The following KRT78 variants were observed in gnomAD, a reference collection of about 807,000 sequenced individuals.
KRT78 encodes the protein keratin, type II cytoskeletal 78.
KRT78 carries 55 observed loss-of-function variants against 51.4 expected under a neutral mutation model. The observed-to-expected ratio is 1.07, with a 90% CI of 0.86 to 1.34. KRT78 has a LOEUF of 1.34. KRT78 is among the 40% of genes most tolerant of loss of function. The pLI is 0.00. For missense variants in KRT78, 652 were observed against 649.4 expected, an observed-to-expected ratio of 1.00 and a Z score of -0.04; for synonymous variants, 291 against 264.3, an observed-to-expected ratio of 1.10 and a Z score of -0.98.
At chr12:52,842,974 G>A (rs1287023638) in intron 6 of KRT78, among the ~76,000 whole-genome samples, 95 of 66,174 alleles carry the variant, frequency 1.4e-3, no homozygotes, top group African/African-American at 7.9e-3. Context: ...AGGAAGGAAG[G>A]AAGGAAGGAA....
chr12:52,847,143 C>T (rs893567419), intron 2 of KRT78, among the ~76,000 whole-genome samples: 1 of 152,192 alleles, frequency 6.6e-6, no homozygotes, highest in African/African-American at 2.4e-5. Flanking sequence ...GATGATTTGA[C>T]CAAGACCCCA....
At position 52,848,739 on chromosome 12, in the gene KRT78, C is replaced by T. The variant is rs1254483371; in HGVS notation, c.192G>A (p.Val64=). 1 of 1,611,222 alleles carries T rather than the reference C, an allele frequency of 6.2e-7. No homozygotes were observed. The change falls in exon 1 of 9, where the codon GTG becomes GTA. Residue 64 remains valine (V), a synonymous_variant. Transcript: ENST00000304620. ...STWGSGGRLG[V]RFGEWSGGPG... is the part of the protein sequence containing the mutation. ...GCCCACCACTCCACTCCCCAAACCG[C>T]ACCCCCAGCCTACCCCCTGACCCCC...
chr12:52,838,943 A>C lies in KRT78; in HGVS notation c.*170T>G. 2 of 761,480 alleles carry C rather than the reference A, an allele frequency of 2.6e-6. No homozygotes were observed. The highest frequency in any genetic ancestry group is 3.7e-5 in the South Asian group (2 of 53,662). 47.2% of individuals were successfully genotyped at this position (761,480 alleles called of 1,614,324 possible). ...TTTTGTTTTGCTGGGTGAGGTGTGCAAGCACTTAGAGCATTCAGAACAGCA... is the reference window on the plus strand; with the variant it reads ...TTTTGTTTTGCTGGGTGAGGTGTGCCAGCACTTAGAGCATTCAGAACAGCA... On this transcript the variant is annotated 3_prime_UTR_variant, in exon 9 of 9. Coordinates refer to ENST00000304620, the MANE Select transcript of KRT78 (RefSeq NM_173352.4).
chr12:52,839,401 G>A lies in KRT78; in HGVS notation c.1304-29C>T, dbSNP rs374642718. On this transcript the variant is annotated intron_variant, in intron 8 of 8. Transcript: ENST00000304620. ...CCAAGAAACGCACCGGGTCAGAGCAGGGTCATCAGCTCCCCATGGGGATCC... is the reference window on the plus strand; with the variant it reads ...CCAAGAAACGCACCGGGTCAGAGCAAGGTCATCAGCTCCCCATGGGGATCC... The A allele has an allele frequency of 3.3e-5, 53 of 1,612,376 alleles. No individual in the cohort carries two copies. The African/African-American group carries it at 6.9e-4, about 21-fold the overall frequency.
intron 6 of KRT78, among the ~76,000 whole-genome samples, chr12:52,840,455 C>A (rs528086435): frequency 1.2e-4 from 19 of 152,062 alleles, no homozygotes; most frequent in Non-Finnish European, 2.5e-4. Flanking sequence ...GTAATCCTAG[C>A]ACTTTAGGAG....
In KRT78 at chr12:52,848,771, T is replaced by A; in HGVS notation, c.160A>T (p.Ser54Cys). Reference sequence around the variant, plus strand: ...AGCCTACCCCCTGACCCCCAGGTACTCCCACGAGAGCCTTCCAGGCACCCC... The same window carrying A: ...AGCCTACCCCCTGACCCCCAGGTACACCCACGAGAGCCTTCCAGGCACCCC... ...FGGCLEGSRG[S>C]TWGSGGRLGV... Residue 54 changes from serine (S) to cysteine (C), a missense_variant, in exon 1 of 9, where the codon AGT (serine) becomes TGT (cysteine). Ser to Cys is a moderately radical substitution (Grantham distance 112). Transcript: ENST00000304620. 3 of 1,556,086 alleles carry A rather than the reference T, an allele frequency of 1.9e-6. No homozygotes were observed. The Admixed American group carries it at 5.5e-5, about 29-fold the overall frequency.
chr12:52,847,413 A>T (rs767977925), intron 2 of KRT78, among the ~76,000 whole-genome samples: 4 of 151,558 alleles, frequency 2.6e-5, no homozygotes, highest in Admixed American at 6.6e-5. Flanking sequence ...GGCTCTCTCC[A>T]CTCCACCAGG....
chr12:52,848,323 C>G, intron 1 of KRT78: 1 of 1,499,060 alleles, frequency 6.7e-7, no homozygotes. Context: ...GCAGGGCCTT[C>G]CCCCCGCTGG....
rs1565698694 is a variant in KRT78, at chr12:52,842,957, G to GGA, written c.1047+1135_1047+1136insTC. 5.5e-4 allele frequency among the ~76,000 whole-genome samples: 52 copies of GGA among 94,190 alleles called. 2 individuals are homozygous for GGA. The highest frequency in any genetic ancestry group is 4.5e-3 in the Middle Eastern group (1 of 220). 61.8% of individuals were successfully genotyped at this position (94,190 alleles called of 152,430 possible). ...AAAGAAAGAGAGAGAGAGAGAGAGA[G>GGA]AGAGGAAGGAAGGAAGGAAGGAAGG... is the stretch of plus-strand genomic sequence containing the variant. On this transcript the variant is annotated intron_variant, in intron 6 of 8. Transcript: ENST00000304620.
intron 6 of KRT78, 114 bp downstream of exon 6, chr12:52,843,979 G>C (rs1335345293): frequency 7.9e-7 from 1 of 1,272,998 alleles, no homozygotes; most frequent in East Asian, 2.4e-5. Context: ...CAGTTATCAA[G>C]GTCCTCGACA....
chr12:52,847,884 T>G, intron 2 of KRT78, 23 bp downstream of exon 2: 2 of 1,599,296 alleles, frequency 1.3e-6, no homozygotes, highest in Non-Finnish European at 1.7e-6. Context: ...CCACATGGCA[T>G]GGGGAAATTT....
chr12:52,839,283 C>T lies in KRT78; in HGVS notation c.1393G>A (p.Gly465Arg), dbSNP rs752181371. 1.2e-6 allele frequency: 2 copies of T among 1,613,162 alleles called. No homozygotes were observed. The highest frequency in any genetic ancestry group is 8.5e-7 in the Non-Finnish European group (1 of 1,179,618). The change falls in exon 9 of 9, where the codon GGG (glycine) becomes AGG (arginine). Residue 465 changes from glycine (G) to arginine (R), a missense_variant. Transcript: ENST00000304620. ...CGLGSGKGSPGSCCTSIVTGG... is the reference protein window; with the variant it reads ...CGLGSGKGSPRSCCTSIVTGG... ...GTCACAATGCTGGTGCAGCAGGACC[C>T]AGGGCTGCCTTTCCCACTACCGAGT... is the stretch of plus-strand genomic sequence containing the variant.
At position 52,846,744 on chromosome 12, in the gene KRT78, G is replaced by A; in HGVS notation, c.660+20C>T. On this transcript the variant is annotated intron_variant, in intron 3 of 8. Transcript: ENST00000304620. ...AGTGGATGCTCAGAACGTAAGTGGAGCACTGGCCCCCACCCTCACCTTCTT... is the reference window on the plus strand; with the variant it reads ...AGTGGATGCTCAGAACGTAAGTGGAACACTGGCCCCCACCCTCACCTTCTT... 1 of 1,609,944 alleles carries A rather than the reference G, an allele frequency of 6.2e-7. No homozygotes were observed. The highest frequency in any genetic ancestry group is 1.1e-5 in the South Asian group (1 of 90,718).
At chr12:52,847,857 G>T (rs775550175) in intron 2 of KRT78, 50 bp downstream of exon 2, 8 of 1,556,666 alleles carry the variant, frequency 5.1e-6, no homozygotes, top group African/African-American at 2.7e-5. Flanking sequence ...CCCAAACTGA[G>T]TCATCCCAGA....
chr12:52,848,675 C>T lies in KRT78; in HGVS notation c.256G>A (p.Val86Met). 3.1e-6 allele frequency: 5 copies of T among 1,613,828 alleles called. No homozygotes were observed. The highest frequency in any genetic ancestry group is 4.2e-6 in the Non-Finnish European group (5 of 1,179,844). Residue 86 changes from valine to methionine, a missense_variant, in exon 1 of 9, where the codon GTG becomes ATG. Transcript: ENST00000304620. ...GTCAGCAGATTCTGGTTGATGGTCACTTCTTGGATGCCCCCCGGAGGGCAC... is the reference window on the plus strand; with the variant it reads ...GTCAGCAGATTCTGGTTGATGGTCATTTCTTGGATGCCCCCCGGAGGGCAC... ...SLCPPGGIQEVTINQNLLTPL... is the reference protein window; with the variant it reads ...SLCPPGGIQEMTINQNLLTPL...
chr12:52,845,963 A>AAG (rs60918568), intron 4 of KRT78: 30,107 of 522,014 alleles, frequency 0.058, 3,746 homozygotes, highest in African/African-American at 0.36. Flanking sequence ...AAAAAAAAAA[A>AAG]AAAGCAATTT....
At chr12:52,843,956 C>G in intron 6 of KRT78, 137 bp downstream of exon 6, 1 of 1,047,066 alleles carries the variant, frequency 9.6e-7, no homozygotes, top group Non-Finnish European at 1.4e-6. Context: ...CCCAAATTAT[C>G]CAAAGCTCCA....
intron 6 of KRT78, among the ~76,000 whole-genome samples, chr12:52,841,556 G>A (rs1940501216): frequency 6.6e-6 from 1 of 151,946 alleles, no homozygotes; most frequent in South Asian, 2.1e-4. Context: ...TGAGATCCCT[G>A]TCTTTATCAG....
chr12:52,845,682 G>A (rs545522642), intron 4 of KRT78, among the ~76,000 whole-genome samples: 13 of 152,270 alleles, frequency 8.5e-5, no homozygotes, highest in Middle Eastern at 3.4e-3. Context: ...TTAGTCGGGC[G>A]TGGTGGCTCA....
Sources: gnomAD v4.1 joint callset for allele counts (sites outside exome capture counted in the v4.1 genomes callset) on GRCh38, gnomAD v4.1.1 for gene constraint, MANE v1.5 for transcripts, NCBI Gene and HGNC (gene_info 2026-07-23, HGNC 2026-07-21) for gene names.